STAB2: variants seen among roughly 807,000 people sequenced by gnomAD.
STAB2 encodes the protein stabilin-2.
In STAB2, 288 loss-of-function variants were observed where a neutral mutation model predicts 338.1. That is an observed-to-expected ratio of 0.85 (90% CI 0.77 to 0.94). The LOEUF (loss-of-function observed/expected upper bound fraction) is 0.94, where lower values mean the gene tolerates loss of function less well. Ranked by LOEUF, STAB2 falls within the 40% of genes least tolerant of loss-of-function variation. The pLI is 0.00. For missense variants in STAB2, 3,141 were observed against 3,210.1 expected (o/e 0.98, Z 0.52); for synonymous variants, 1,202 against 1,193.3 (o/e 1.01, Z -0.15).
At chr12:103,751,282 G>A (rs1883625438) in intron 60 of STAB2, among the ~76,000 whole-genome samples, 1 of 152,164 alleles carries the variant, frequency 6.6e-6, no homozygotes, top group South Asian at 2.1e-4. Flanking sequence ...AGGACAGCAT[G>A]GCCAGGAGAG....
intron 64 of STAB2, among the ~76,000 whole-genome samples, 157 bp from the exon 65 acceptor site, chr12:103,758,976 C>T (rs1884340609): frequency 6.6e-6 from 1 of 152,148 alleles, no homozygotes; most frequent in South Asian, 2.1e-4. Flanking sequence ...GCCCAGACAA[C>T]CAGAAGCCTA....
At chr12:103,631,398 T>C (rs1158105924) in intron 5 of STAB2, among the ~76,000 whole-genome samples, 200 bp from the exon 6 acceptor site, 1 of 149,884 alleles carries the variant, frequency 6.7e-6, no homozygotes, top group African/African-American at 2.5e-5. Flanking sequence ...CTTGACTCTA[T>C]AGAAATCCCA....
At chr12:103,690,140 C>T (rs1877798518) in intron 29 of STAB2, among the ~76,000 whole-genome samples, 158 bp downstream of exon 29, 1 of 152,162 alleles carries the variant, frequency 6.6e-6, no homozygotes, top group Non-Finnish European at 1.5e-5. Flanking sequence ...TAGTAATAGT[C>T]AACAATTGCT....
At chr12:103,632,822 ACT>A (rs146101392) in intron 6 of STAB2, among the ~76,000 whole-genome samples, 4 of 152,230 alleles carry the variant, frequency 2.6e-5, no homozygotes, top group Non-Finnish European at 4.4e-5. Context: ...TGAAGGAGAA[ACT>A]CACAGGATGG....
At chr12:103,755,199 C>T in intron 61 of STAB2, 103 bp from the exon 62 acceptor site, 4 of 1,501,122 alleles carry the variant, frequency 2.7e-6, no homozygotes, top group Middle Eastern at 1.8e-4. Context: ...CAAAGTGAGA[C>T]TTTATGGGTT....
chr12:103,745,703 C>G (rs78974195), intron 57 of STAB2, among the ~76,000 whole-genome samples: 16,665 of 152,164 alleles, frequency 0.11, 1,294 homozygotes, highest in African/African-American at 0.22. Context: ...TAGAGAACCA[C>G]ACTCTCTGAG....
At chr12:103,661,050 A>G (rs1874564355) in intron 17 of STAB2, among the ~76,000 whole-genome samples, 1 of 152,084 alleles carries the variant, frequency 6.6e-6, no homozygotes, top group South Asian at 2.1e-4. Context: ...TTTAATTACA[A>G]TGGTAATGAG....
intron 38 of STAB2, among the ~76,000 whole-genome samples, chr12:103,707,430 A>T (rs1228102662): frequency 2.0e-5 from 3 of 152,194 alleles, no homozygotes; most frequent in Non-Finnish European, 4.4e-5. Context: ...AGGTTGAATG[A>T]CTTCCCCCAA....
At chr12:103,761,146 G>T (rs533291623) in intron 65 of STAB2, among the ~76,000 whole-genome samples, 154 bp from the exon 66 acceptor site, 101 of 152,286 alleles carry the variant, frequency 6.6e-4, no homozygotes, top group African/African-American at 2.4e-3. Flanking sequence ...GTTCTGGGCT[G>T]TCCAGAGGGT....
In STAB2 at chr12:103,717,800, G is replaced by A; in HGVS notation, c.4642G>A (p.Gly1548Arg). ...AACNCLPAYT[G>R]DGKVCTLINV... ...CTGTAACTGTTTGCCAGCATACACT[G>A]GAGATGGAAAGGTCTGCACACTCAT... Residue 1548 changes from glycine to arginine, a missense_variant, in exon 44 of 69, where the codon GGA (glycine) becomes AGA (arginine). Coordinates refer to ENST00000388887, the MANE Select transcript of STAB2 (RefSeq NM_017564.10). 6.2e-7 allele frequency: 1 copy of A among 1,614,088 alleles called. No individual in the cohort carries two copies. The highest frequency in any genetic ancestry group is 8.5e-7 in the Non-Finnish European group (1 of 1,179,982).
At chr12:103,656,028 T>G (rs577972177) in intron 15 of STAB2, among the ~76,000 whole-genome samples, 1 of 152,362 alleles carries the variant, frequency 6.6e-6, no homozygotes, top group Admixed American at 6.5e-5. Flanking sequence ...CTTCAGCCTT[T>G]CCTTTCCTTT....
Position 103,690,546 on chromosome 12 carries a change from C to T in STAB2, c.3297+8C>T, listed in dbSNP as rs1163132549. The T allele has an allele frequency of 6.2e-7, 1 of 1,607,582 alleles. No homozygotes were observed. The highest frequency in any genetic ancestry group is 1.7e-5 in the Admixed American group (1 of 58,754). On this transcript the variant is annotated splice_region_variant and intron_variant, in intron 30 of 68. Coordinates refer to ENST00000388887, the MANE Select transcript of STAB2 (RefSeq NM_017564.10). ...TTGGCAAAGGTGGATGGGGTAAGAG[C>T]TCTGGAATTTGTCTGTTTACTTGAA...
chr12:103,622,638 G>C (rs1957320122), intron 5 of STAB2, among the ~76,000 whole-genome samples: 1 of 152,222 alleles, frequency 6.6e-6, no homozygotes, highest in African/African-American at 2.4e-5. Flanking sequence ...ACTTTAACAT[G>C]TGTAACCAAG....
intron 3 of STAB2, among the ~76,000 whole-genome samples, chr12:103,605,003 C>T (rs1281164513): frequency 1.3e-5 from 2 of 151,732 alleles, no homozygotes; most frequent in African/African-American, 4.8e-5. Flanking sequence ...CTTGTAAGCA[C>T]TGCTTTAAGT....
rs1565945668 is a variant in STAB2 at position 103,587,539 on chromosome 12, A to G, written c.63A>G (p.Pro21=). The part of the protein sequence containing the change: ...LGLVVQNFCS[P]AETTGQARRC... ...TGGTTGTACAAAATTTCTGCTCCCC[A>G]GCTGAAACCACAGGGCAGGTAAGAG... The change falls in exon 1 of 69, where the codon CCA becomes CCG. Residue 21 remains proline (P), a synonymous_variant. Coordinates refer to ENST00000388887, the MANE Select transcript of STAB2 (RefSeq NM_017564.10). 6.2e-7 allele frequency: 1 copy of G among 1,614,092 alleles called. No homozygotes were observed. The highest frequency in any genetic ancestry group is 1.3e-5 in the African/African-American group (1 of 75,056).
chr12:103,638,878 G>A (rs1225773400), intron 8 of STAB2, among the ~76,000 whole-genome samples: 1 of 152,216 alleles, frequency 6.6e-6, no homozygotes, highest in Non-Finnish European at 1.5e-5. Flanking sequence ...TGTCCATACA[G>A]AAGGGTATTG....
In STAB2 at chr12:103,766,281, TC is replaced by T. The variant is rs756951707; in HGVS notation, c.7606-3del. On this transcript the variant is annotated splice_region_variant and splice_polypyrimidine_tract_variant and intron_variant, in intron 68 of 68. Transcript: ENST00000388887. The stretch of plus-strand genomic sequence containing the variant: ...CCTGCCCCCTTACAACCCTCTCTTT[TC>T]CAGGACTCTGAAGAACGGCAGCTTG... 1.2e-5 allele frequency: 19 copies of T among 1,613,872 alleles called. No individual in the cohort carries two copies. The highest frequency in any genetic ancestry group is 1.5e-5 in the Non-Finnish European group (18 of 1,179,986).
chr12:103,735,384 T>C, intron 51 of STAB2, 107 bp from the exon 52 acceptor site: 1 of 620,804 alleles, frequency 1.6e-6, no homozygotes, highest in East Asian at 3.0e-5. Flanking sequence ...TTATTATAAC[T>C]CGTGGAAAAA....
chr12:103,712,352 C>T lies in STAB2; in HGVS notation c.4335-15C>T. ...GTATTTTTCTACAAACCCCATTTGT[C>T]CTTCCTTGTTGCAGCTGCCTCACCA... On this transcript the variant is annotated splice_polypyrimidine_tract_variant and intron_variant, in intron 40 of 68. Transcript: ENST00000388887. 1 of 1,609,038 alleles carries T rather than the reference C, an allele frequency of 6.2e-7. No individual in the cohort carries two copies. The highest frequency in any genetic ancestry group is 8.5e-7 in the Non-Finnish European group (1 of 1,175,334).
Sources: gnomAD v4.1 joint callset for allele counts (sites outside exome capture counted in the v4.1 genomes callset) on GRCh38, gnomAD v4.1.1 for gene constraint, MANE v1.5 for transcripts, NCBI Gene and HGNC (gene_info 2026-07-23, HGNC 2026-07-21) for gene names.